The following RALA variants were observed in gnomAD, a reference collection of about 807,000 sequenced individuals.
The protein encoded by RALA is RAS like proto-oncogene A.
In RALA, 5 loss-of-function variants were observed where a neutral mutation model predicts 24.0. The observed-to-expected ratio is 0.21, with a 90% CI of 0.11 to 0.44. The LOEUF (loss-of-function observed/expected upper bound fraction) is 0.44. Among genes scored for constraint, RALA ranks in the 20% least tolerant of loss-of-function variants. RALA has a pLI of 0.99. For synonymous variants in RALA, 77 were observed against 83.8 expected (o/e 0.92, Z 0.44); for missense variants, 95 against 241.2 (o/e 0.39, Z 4.01).
At position 39,641,757 on chromosome 7, in the gene RALA, G is replaced by A. The variant is rs1791821834; in HGVS notation, c.-38+17932G>A. Among the ~76,000 whole-genome samples the A allele has an allele frequency of 2.6e-5, 4 of 152,112 alleles. No individual in the cohort carries two copies. The South Asian group carries it at 6.2e-4, about 24-fold the overall frequency. On this transcript the variant is annotated intron_variant, in intron 1 of 4. Coordinates refer to ENST00000005257, the MANE Select transcript of RALA (RefSeq NM_005402.4). ...TGATGTGGATGGTGATGGTGATGGT[G>A]TTATTGATGTAGTTTTTGTGATTTT...
intron 1 of RALA, among the ~76,000 whole-genome samples, chr7:39,647,661 A>AG (rs1411224251): frequency 6.6e-6 from 1 of 152,170 alleles, no homozygotes; most frequent in Non-Finnish European, 1.5e-5. Context: ...GGAGGTAATT[A>AG]GGTCATGAGG....
At chr7:39,669,952 C>T (rs1792352446) in intron 1 of RALA, among the ~76,000 whole-genome samples, 1 of 151,762 alleles carries the variant, frequency 6.6e-6, no homozygotes, top group South Asian at 2.1e-4. Flanking sequence ...GTTATTTTTT[C>T]TGGCTGCATT....
chr7:39,630,994 G>A (rs368598846), intron 1 of RALA, among the ~76,000 whole-genome samples: 3 of 144,022 alleles, frequency 2.1e-5, no homozygotes, highest in South Asian at 2.2e-4. Flanking sequence ...ACAATTCATT[G>A]CTGGTTTTTT....
intron 4 of RALA, among the ~76,000 whole-genome samples, chr7:39,699,496 G>A (rs1792985626): frequency 6.6e-6 from 1 of 152,162 alleles, no homozygotes; most frequent in Non-Finnish European, 1.5e-5. Context: ...TATGTTCAGT[G>A]GTAGTCAGTG....
At chr7:39,640,338 G>A (rs1398089232) in intron 1 of RALA, among the ~76,000 whole-genome samples, 1 of 152,212 alleles carries the variant, frequency 6.6e-6, no homozygotes, top group Non-Finnish European at 1.5e-5. Context: ...TACCCAGCGT[G>A]AAATGGTATC....
At chr7:39,680,261 C>T (rs916691881) in intron 1 of RALA, among the ~76,000 whole-genome samples, 2 of 151,610 alleles carry the variant, frequency 1.3e-5, no homozygotes, top group African/African-American at 4.8e-5. Context: ...CCCAGCTACT[C>T]GGGAGGCTGA....
intron 4 of RALA, among the ~76,000 whole-genome samples, chr7:39,704,609 C>T (rs774680114): frequency 4.6e-5 from 7 of 152,068 alleles, no homozygotes; most frequent in Middle Eastern, 6.8e-3. Flanking sequence ...TGAACCACCA[C>T]GCCTGGCCAG....
intron 1 of RALA, among the ~76,000 whole-genome samples, chr7:39,665,874 C>T (rs1792279928): frequency 6.6e-6 from 1 of 151,688 alleles, no homozygotes; most frequent in South Asian, 2.1e-4. Flanking sequence ...CCTGGCTTCA[C>T]ATCAATAGTG....
At chr7:39,663,774 A>G (rs1293244142) in intron 1 of RALA, among the ~76,000 whole-genome samples, 1 of 152,242 alleles carries the variant, frequency 6.6e-6, no homozygotes, top group Non-Finnish European at 1.5e-5. Flanking sequence ...TAAGAAAGGC[A>G]TACCTTTCCA....
chr7:39,643,834 G>A (rs1373694230), intron 1 of RALA, among the ~76,000 whole-genome samples: 1 of 152,140 alleles, frequency 6.6e-6, no homozygotes, highest in Non-Finnish European at 1.5e-5. Context: ...ACTCCAGCCT[G>A]GGTGACAAAG....
intron 1 of RALA, among the ~76,000 whole-genome samples, chr7:39,651,241 G>A (rs564067769): frequency 6.6e-6 from 1 of 152,340 alleles, no homozygotes; most frequent in South Asian, 2.1e-4. Context: ...GGTAGGCTAG[G>A]TGTATTAAAT....
In RALA at chr7:39,681,302, C is replaced by CTTTTTTTTTTTTTTTTTTT. The variant is rs70996832; in HGVS notation, c.-37-5314_-37-5296dup. Among the ~76,000 whole-genome samples the CTTTTTTTTTTTTTTTTTTT allele has an allele frequency of 3.4e-4, 17 of 50,048 alleles. 3 individuals are homozygous for CTTTTTTTTTTTTTTTTTTT. The highest frequency in any genetic ancestry group is 4.6e-4 in the Non-Finnish European group (13 of 28,088). 32.8% of individuals were successfully genotyped at this position (50,048 alleles called of 152,430 possible). ...TCCTCAACCCAAACCCACCCTATTC[C>CTTTTTTTTTTTTTTTTTTT]TTTTTTTTTTTTTTTTTTTTTTTTT... is the stretch of plus-strand genomic sequence containing the variant. On this transcript the variant is annotated intron_variant, in intron 1 of 4. Transcript: ENST00000005257.
intron 1 of RALA, among the ~76,000 whole-genome samples, chr7:39,685,797 T>A (rs1792689862): frequency 6.6e-6 from 1 of 152,172 alleles, no homozygotes; most frequent in Non-Finnish European, 1.5e-5. Flanking sequence ...TGGGATGGGA[T>A]GTCTTCTTCT....
At chr7:39,681,008 TC>T (rs1168914614) in intron 1 of RALA, among the ~76,000 whole-genome samples, 1 of 152,138 alleles carries the variant, frequency 6.6e-6, no homozygotes, top group African/African-American at 2.4e-5. Flanking sequence ...TTGTCTTACC[TC>T]CCATTACAAA....
chr7:39,655,316 G>A (rs6948816), intron 1 of RALA, among the ~76,000 whole-genome samples: 11,717 of 152,182 alleles, frequency 0.077, 964 homozygotes, highest in African/African-American at 0.2. Context: ...ACTGAAAGAA[G>A]CCAGATAAAA....
chr7:39,668,839 G>A (rs1028480240), intron 1 of RALA, among the ~76,000 whole-genome samples: 1 of 150,930 alleles, frequency 6.6e-6, no homozygotes, highest in African/African-American at 2.4e-5. Flanking sequence ...AGTAAGGCCA[G>A]GCGCAGTGGC....
intron 1 of RALA, among the ~76,000 whole-genome samples, chr7:39,668,220 C>G (rs1420958898): frequency 1.3e-5 from 2 of 152,198 alleles, no homozygotes; most frequent in African/African-American, 4.8e-5. Flanking sequence ...AGTAGGGATA[C>G]TAGCAATACT....
chr7:39,692,020 T>C (rs1232602079), intron 3 of RALA, among the ~76,000 whole-genome samples: 1 of 152,184 alleles, frequency 6.6e-6, no homozygotes, highest in East Asian at 1.9e-4. Context: ...GATGATTCAT[T>C]ACTCTTAGGG....
intron 1 of RALA, among the ~76,000 whole-genome samples, chr7:39,641,199 T>C (rs1791810180): frequency 6.6e-6 from 1 of 152,192 alleles, no homozygotes; most frequent in South Asian, 2.1e-4. Flanking sequence ...GGGTGTTATA[T>C]CATTTTTGCC....
Sources: gnomAD v4.1 joint callset for allele counts (sites outside exome capture counted in the v4.1 genomes callset) on GRCh38, gnomAD v4.1.1 for gene constraint, MANE v1.5 for transcripts, NCBI Gene and HGNC (gene_info 2026-07-23, HGNC 2026-07-21) for gene names.